Variants in SCN1A observed in about 807,000 individuals in gnomAD.
SCN1A encodes the protein sodium voltage-gated channel alpha subunit 1.
Under a neutral mutation model 193.7 loss-of-function variants are expected in SCN1A, and 13 were observed. That is an observed-to-expected ratio of 0.07 (90% CI 0.04 to 0.11). The LOEUF is 0.11. Ranked by LOEUF, SCN1A falls within the 10% of genes least tolerant of loss-of-function variation. The pLI, the probability that SCN1A is intolerant of heterozygous loss-of-function variation, is 1.00. For missense variants in SCN1A, 1,432 were observed against 2,451.1 expected (o/e 0.58, Z 8.78); for synonymous variants, 781 against 843.6 (o/e 0.93, Z 1.29).
intron 2 of SCN1A, among the ~76,000 whole-genome samples, chr2:166,122,548 AG>A (rs1238868757): frequency 1.3e-5 from 2 of 152,212 alleles, no homozygotes; most frequent in Non-Finnish European, 2.9e-5. Flanking sequence ...ATATATCCCT[AG>A]TACCCACTGT....
chr2:166,050,920 A>C (rs1698486986), intron 9 of SCN1A, among the ~76,000 whole-genome samples: 1 of 151,794 alleles, frequency 6.6e-6, no homozygotes, highest in Non-Finnish European at 1.5e-5. Context: ...AATCTATTAA[A>C]CTATAACACT....
chr2:166,086,560 TTC>T (rs1686143980), intron 2 of SCN1A, among the ~76,000 whole-genome samples: 2 of 152,182 alleles, frequency 1.3e-5, no homozygotes, highest in African/African-American at 4.8e-5. Flanking sequence ...TAGCATAAAT[TTC>T]TGTTTCCTTT....
chr2:166,071,541 T>A (rs1574360731), intron 4 of SCN1A: 1 of 151,598 alleles, frequency 6.6e-6, no homozygotes, highest in East Asian at 1.9e-4. Context: ...TTAAATGTAA[T>A]TTAGATTTGT....
intron 19 of SCN1A, among the ~76,000 whole-genome samples, chr2:166,020,701 TA>T (rs1011225003): frequency 2.6e-5 from 4 of 152,196 alleles, no homozygotes; most frequent in African/African-American, 9.7e-5. Context: ...ACATGTACAT[TA>T]AAAAACCATA....
chr2:166,056,394 A>G lies in SCN1A; in HGVS notation c.473+17T>C, dbSNP rs2105909386. The G allele has an allele frequency of 1.4e-6, 2 of 1,440,202 alleles. No homozygotes were observed. Among genetic ancestry groups the G allele is most frequent in the Middle Eastern group, 1.8e-4 (1 of 5,638 alleles). The allele number at this position is 1,440,202 out of a possible 1,614,324, so 89.2% of individuals were successfully genotyped here. On this transcript the variant is annotated intron_variant, in intron 6 of 28. Transcript: ENST00000674923. ...CCCAAATGTATATATGTTATTAAAA[A>G]TATAAGTTGAACTTACTCTACATTC...
chr2:166,029,551 T>C (rs539280285), intron 19 of SCN1A, among the ~76,000 whole-genome samples: 1 of 152,284 alleles, frequency 6.6e-6, no homozygotes, highest in Admixed American at 6.5e-5. Context: ...TTAACCCATA[T>C]AACGTAAGAT....
intron 4 of SCN1A, among the ~76,000 whole-genome samples, chr2:166,065,475 C>G (rs1252116098): frequency 6.6e-6 from 1 of 152,154 alleles, no homozygotes; most frequent in Non-Finnish European, 1.5e-5. Context: ...TCACCTACTT[C>G]CCTTCTCATT....
At chr2:166,007,134 G>T (rs1165565433) in intron 23 of SCN1A, 1 of 149,476 alleles carries the variant, frequency 6.7e-6, no homozygotes, top group Non-Finnish European at 1.5e-5. Flanking sequence ...TCCCTACTGT[G>T]GTGCAATAAT....
At chr2:166,056,345 T>A in intron 6 of SCN1A, 66 bp downstream of exon 6, 3 of 998,972 alleles carry the variant, frequency 3.0e-6, no homozygotes, top group Non-Finnish European at 4.8e-6. Context: ...ATTTTAAGAC[T>A]ACATTAAGAC....
At chr2:166,021,348 GA>G (rs1694034540) in intron 19 of SCN1A, among the ~76,000 whole-genome samples, 1 of 152,094 alleles carries the variant, frequency 6.6e-6, no homozygotes, top group African/African-American at 2.4e-5. Context: ...GTAAATAAAT[GA>G]GCATTAGTGT....
chr2:166,101,583 C>T (rs1165230966), intron 2 of SCN1A, among the ~76,000 whole-genome samples: 3 of 150,992 alleles, frequency 2.0e-5, no homozygotes, highest in East Asian at 3.9e-4. Flanking sequence ...CACACACATA[C>T]GACGTTCTGA....
chr2:166,097,109 T>C (rs51195), intron 2 of SCN1A, among the ~76,000 whole-genome samples: 70,125 of 151,530 alleles, frequency 0.46, 16,825 homozygotes, highest in African/African-American at 0.57. Context: ...GCAACCTAAC[T>C]CTCCCAGGTT....
chr2:166,099,369 A>G (rs1687769908), intron 2 of SCN1A, among the ~76,000 whole-genome samples: 2 of 151,102 alleles, frequency 1.3e-5, no homozygotes, highest in Admixed American at 6.6e-5. Flanking sequence ...TCTCAAAATA[A>G]TAAGAGCTAT....
chr2:165,998,325 C>A, intron 25 of SCN1A, 150 bp from the exon 26 acceptor site: 1 of 596,960 alleles, frequency 1.7e-6, no homozygotes, highest in Non-Finnish European at 2.9e-6. Context: ...AAAAAACATC[C>A]CTGAAATTGG....
At chr2:166,026,825 A>G (rs1278591266) in intron 19 of SCN1A, among the ~76,000 whole-genome samples, 1 of 151,524 alleles carries the variant, frequency 6.6e-6, no homozygotes, top group Non-Finnish European at 1.5e-5. Context: ...CTGGGACTAC[A>G]GGTGCCCACC....
intron 27 of SCN1A, 63 bp downstream of exon 27, chr2:165,995,948 TTG>T: frequency 3.6e-6 from 4 of 1,103,930 alleles, no homozygotes; most frequent in Non-Finnish European, 5.5e-6. Context: ...ACTTTCTTTT[TTG>T]TGAGACAAGC....
At chr2:166,140,711 A>C (rs116366834) in intron 1 of SCN1A, among the ~76,000 whole-genome samples, 3,107 of 152,328 alleles carry the variant, frequency 0.02, 38 homozygotes, top group Middle Eastern at 0.058. Flanking sequence ...ACTTAACAGT[A>C]AGCTTCCTTT....
At chr2:166,009,439 C>CT (rs1161207022) in intron 23 of SCN1A, 56 of 233,354 alleles carry the variant, frequency 2.4e-4, no homozygotes, top group East Asian at 7.6e-4. Flanking sequence ...AATGCATCAG[C>CT]TTTTTTTTGT....
intron 24 of SCN1A, among the ~76,000 whole-genome samples, chr2:166,001,503 A>G (rs1009584291): frequency 4.0e-5 from 6 of 151,700 alleles, no homozygotes; most frequent in Non-Finnish European, 7.4e-5. Flanking sequence ...AGTTGAAATC[A>G]TAACCTTGGT....
Sources: allele counts gnomAD v4.1 joint callset (sites outside exome capture counted in the v4.1 genomes callset), GRCh38; gene constraint gnomAD v4.1.1; transcripts MANE v1.5; gene names NCBI Gene and HGNC (gene_info 2026-07-23, HGNC 2026-07-21).